Variants in CLIC6 observed in about 807,000 individuals in gnomAD.
CLIC6 encodes chloride intracellular channel protein 6.
A neutral mutation model predicts 49.2 loss-of-function variants in CLIC6; 39 were observed. That is an observed-to-expected ratio of 0.79 (90% CI 0.61 to 1.04). The LOEUF (loss-of-function observed/expected upper bound fraction) is 1.04, where lower values mean the gene tolerates loss of function less well. Among genes scored for constraint, CLIC6 ranks in the 50% least tolerant of loss-of-function variants. CLIC6 has a pLI of 0.00. For synonymous variants in CLIC6, 446 were observed against 433.4 expected (o/e 1.03, Z -0.36); for missense variants, 988 against 993.1 (o/e 0.99, Z 0.07).
At chr21:34,703,446 C>T (rs914667394) in intron 1 of CLIC6, among the ~76,000 whole-genome samples, 2 of 151,786 alleles carry the variant, frequency 1.3e-5, no homozygotes, top group Non-Finnish European at 2.9e-5. Flanking sequence ...GTCAGGTCTG[C>T]GTCGGGATGC....
chr21:34,670,836 G>A (rs1989549718), intron 1 of CLIC6, 74 bp downstream of exon 1: 8 of 1,454,720 alleles, frequency 5.5e-6, no homozygotes, highest in Non-Finnish European at 7.3e-6. Flanking sequence ...GATCCCAGAG[G>A]GACGCGCAGG....
At chr21:34,683,390 G>A (rs1254338556) in intron 1 of CLIC6, among the ~76,000 whole-genome samples, 2 of 152,160 alleles carry the variant, frequency 1.3e-5, no homozygotes, top group East Asian at 1.9e-4. Context: ...TGCCTCTGAG[G>A]TTGTGTCTCT....
In CLIC6 at chr21:34,709,370, C is replaced by G. The variant is rs1175675835; in HGVS notation, c.1731C>G (p.Asn577Lys). 1 of 1,613,006 alleles carries G rather than the reference C, an allele frequency of 6.2e-7. No homozygotes were observed. The highest frequency in any genetic ancestry group is 8.5e-7 in the Non-Finnish European group (1 of 1,179,606). ...CTTCTGTTTTAGTTCATGAAAAGAA[C>G]CTGCTGAAGGCCCTGAGGAAGCTGG... ...KKDANEIHEK[N>K]LLKALRKLDN... The change falls in exon 5 of 6, where the codon AAC becomes AAG. Residue 577 changes from asparagine (N) to lysine (K), a missense_variant. By Grantham distance (94) the Asn-to-Lys change is moderately conservative. Coordinates refer to ENST00000349499, the MANE Select transcript of CLIC6 (RefSeq NM_053277.3).
rs1989499098 is a variant in CLIC6 at position 34,669,861 on chromosome 21, A to T, written c.473A>T (p.Asp158Val). Residue 158 changes from aspartate (D) to valine (V), a missense_variant, in exon 1 of 6, where the codon GAC becomes GTC. This residue lies in a region of CLIC6 where 284 missense variants were observed against 278.6 expected (regional missense o/e 1.02). Coordinates refer to ENST00000349499, the MANE Select transcript of CLIC6 (RefSeq NM_053277.3). ...PEGSASGEAG[D>V]SVDAEGPLGD... ...GGTAGCGCGTCCGGGGAGGCGGGGG[A>T]CAGCGTAGACGCGGAGGGCCCGCTG... 4 of 1,403,176 alleles carry T rather than the reference A, an allele frequency of 2.9e-6. No individual in the cohort carries two copies. The highest frequency in any genetic ancestry group is 3.7e-6 in the Non-Finnish European group (4 of 1,087,246). The allele number at this position is 1,403,176 out of a possible 1,614,324, so 86.9% of individuals were successfully genotyped here.
chr21:34,707,468 C>CACACACACACACACACAT, intron 2 of CLIC6, 79 bp downstream of exon 2: 1 of 888,164 alleles, frequency 1.1e-6, no homozygotes, highest in Admixed American at 1.9e-5. Flanking sequence ...CACACACACA[C>CACACACACACACACACAT]ACCTGAGGCC....
At chr21:34,702,281 C>T (rs1314811107) in intron 1 of CLIC6, among the ~76,000 whole-genome samples, 3 of 152,166 alleles carry the variant, frequency 2.0e-5, no homozygotes, top group Non-Finnish European at 4.4e-5. Flanking sequence ...GAAACCTGCC[C>T]GTGTCCCAGG....
chr21:34,670,354 C>G lies in CLIC6; in HGVS notation c.966C>G (p.Ser322Arg). The G allele has an allele frequency of 6.9e-7, 1 of 1,451,432 alleles. No homozygotes were observed. The highest frequency in any genetic ancestry group is 1.4e-5 in the South Asian group (1 of 68,992). The allele number at this position is 1,451,432 out of a possible 1,614,324, so 89.9% of individuals were successfully genotyped here. A position where few individuals can be genotyped will look rare whatever the true frequency, so the allele number is the denominator to read the frequency against. Residue 322 changes from serine (S) to arginine (R), a missense_variant, in exon 1 of 6, where the codon AGC becomes AGG. Around this residue, in one of 3 missense-constraint regions of CLIC6, gnomAD observed 647 missense variants for 596.9 expected, o/e 1.08. Transcript: ENST00000349499. ...CAGCCGGGGAGAGTGCGGGGCGCAG[C>G]CCCGGTGAGCTCGCCTGGGACGCAG... ...EVAAGESAGR[S>R]PGELAWDAAE...
intron 1 of CLIC6, among the ~76,000 whole-genome samples, chr21:34,705,359 G>A (rs1056897177): frequency 2.0e-5 from 3 of 152,128 alleles, no homozygotes; most frequent in Non-Finnish European, 2.9e-5. Context: ...AGGAGATGGG[G>A]GTGGCCTTCG....
chr21:34,669,826 G>C lies in CLIC6; in HGVS notation c.438G>C (p.Glu146Asp), dbSNP rs1369446867. The change falls in exon 1 of 6, where the codon GAG (glutamate) becomes GAC (aspartate). Residue 146 changes from glutamate (E) to aspartate (D), a missense_variant. Physicochemically the swap from Glu to Asp is conservative, Grantham distance 45. Transcript: ENST00000349499. ...ERQEEAEQRP[E>D]VPEGSASGEA... ...AGGAGGAGGCGGAGCAGAGGCCTGA[G>C]GTCCCGGAAGGTAGCGCGTCCGGGG... The C allele has an allele frequency of 7.1e-7, 1 of 1,416,808 alleles. No individual in the cohort carries two copies. Among genetic ancestry groups the C allele is most frequent in the Admixed American group, 3.0e-5 (1 of 32,804 alleles). 87.8% of individuals were successfully genotyped at this position (1,416,808 alleles called of 1,614,324 possible).
At chr21:34,670,875 C>CA in intron 1 of CLIC6, 113 bp downstream of exon 1, 1 of 1,199,518 alleles carries the variant, frequency 8.3e-7, no homozygotes, top group Non-Finnish European at 1.1e-6. Context: ...TCCTGATTGT[C>CA]ATCAGGCGCT....
intron 5 of CLIC6, among the ~76,000 whole-genome samples, 160 bp from the exon 6 acceptor site, chr21:34,716,161 A>G (rs2056083961): frequency 1.3e-5 from 2 of 152,224 alleles, no homozygotes; most frequent in Admixed American, 1.3e-4. Context: ...AGATGGCCCT[A>G]TGCAAGTCAA....
At chr21:34,687,204 G>A (rs1989899063) in intron 1 of CLIC6, among the ~76,000 whole-genome samples, 1 of 152,160 alleles carries the variant, frequency 6.6e-6, no homozygotes, top group South Asian at 2.1e-4. Context: ...TCAGAGGAAA[G>A]GAAGGAGGCT....
chr21:34,690,668 T>C (rs941636946), intron 1 of CLIC6, among the ~76,000 whole-genome samples: 11 of 152,032 alleles, frequency 7.2e-5, no homozygotes, highest in Admixed American at 7.2e-4. Context: ...GGACATTGGT[T>C]TCCTGGTCAC....
rs1279211529 is a variant in CLIC6 at position 34,718,005 on chromosome 21, G to A, written c.*1523G>A. The A allele has an allele frequency of 3.9e-5, 6 of 152,604 alleles. No homozygotes were observed. Among genetic ancestry groups the A allele is most frequent in the Admixed American group, 3.3e-4 (5 of 15,278 alleles). The allele number at this position is 152,604 out of a possible 1,614,324, so 9.5% of individuals were successfully genotyped here. ...TCTTTGTCAACCATACGTTTTTGGA[G>A]ATTGGGTCTAGCACATGTCACCCTT... is the stretch of plus-strand genomic sequence containing the variant. On this transcript the variant is annotated 3_prime_UTR_variant, in exon 6 of 6. Coordinates refer to ENST00000349499, the MANE Select transcript of CLIC6 (RefSeq NM_053277.3).
chr21:34,669,605 G>T lies in CLIC6; in HGVS notation c.217G>T (p.Ala73Ser), dbSNP rs1989486294. 2 of 1,271,008 alleles carry T rather than the reference G, an allele frequency of 1.6e-6. No individual in the cohort carries two copies. Among genetic ancestry groups the T allele is most frequent in the Admixed American group, 4.2e-5 (1 of 23,826 alleles). 78.7% of individuals were successfully genotyped at this position (1,271,008 alleles called of 1,614,324 possible). A position where few individuals can be genotyped will look rare whatever the true frequency, so the allele number is the denominator to read the frequency against. ...GGPDRGPEAE[A>S]RGTRGAHGET... ...GCCAGACAGGGGCCCGGAGGCCGAG[G>T]CGCGGGGCACGAGGGGGGCGCACGG... Residue 73 changes from alanine to serine, a missense_variant, in exon 1 of 6, where the codon GCG (alanine) becomes TCG (serine). By Grantham distance (99) the Ala-to-Ser change is moderately conservative. Around this residue, in one of 3 missense-constraint regions of CLIC6, gnomAD observed 284 missense variants for 278.6 expected, o/e 1.02. Coordinates refer to ENST00000349499, the MANE Select transcript of CLIC6 (RefSeq NM_053277.3).
intron 1 of CLIC6, among the ~76,000 whole-genome samples, chr21:34,688,325 T>A (rs1488451999): frequency 2.6e-5 from 4 of 152,220 alleles, no homozygotes; most frequent in African/African-American, 4.8e-5. Flanking sequence ...TGGGTTTTGC[T>A]GGCTGTTGCT....
chr21:34,670,215 CG>C lies in CLIC6; in HGVS notation c.832del (p.Asp278ThrfsTer62). On this transcript the variant is annotated frameshift_variant, in exon 1 of 6. Transcript: ENST00000349499. LOFTEE classifies it high-confidence loss of function. ...AGDSVEAEGP[A>X]GDSMDAEGPA... ...GACAGCGTAGAAGCCGAAGGCCCGG[CG>C]GGGGACAGCATGGACGCCGAGGGTC... The C allele has an allele frequency of 7.1e-7, 1 of 1,407,842 alleles. No homozygotes were observed. Among genetic ancestry groups the C allele is most frequent in the Non-Finnish European group, 9.2e-7 (1 of 1,088,708 alleles). The allele number at this position is 1,407,842 out of a possible 1,614,324, so 87.2% of individuals were successfully genotyped here.
chr21:34,698,973 GT>G (rs1878779130), intron 1 of CLIC6, among the ~76,000 whole-genome samples: 1 of 152,156 alleles, frequency 6.6e-6, no homozygotes, highest in African/African-American at 2.4e-5. Context: ...GAAGAGTCCA[GT>G]TTCCATCTTG....
Position 34,669,409 on chromosome 21 carries a change from G to A in CLIC6, c.21G>A (p.Pro7=), listed in dbSNP as rs1277318077. 4.0e-6 allele frequency: 5 copies of A among 1,236,018 alleles called. No homozygotes were observed. The highest frequency in any genetic ancestry group is 5.0e-6 in the Non-Finnish European group (5 of 990,374). 76.6% of individuals were successfully genotyped at this position (1,236,018 alleles called of 1,614,324 possible). The part of the protein sequence containing the change: MAEAAE[P]EGVAPGPQGP... ...CGGCCATGGCCGAGGCCGCGGAGCC[G>A]GAGGGGGTTGCCCCGGGTCCCCAGG... Residue 7 remains proline, a synonymous_variant, in exon 1 of 6, where the codon CCG becomes CCA. Coordinates refer to ENST00000349499, the MANE Select transcript of CLIC6 (RefSeq NM_053277.3).
Sources: gnomAD v4.1 joint callset for allele counts (sites outside exome capture counted in the v4.1 genomes callset) on GRCh38, gnomAD v4.1.1 for gene constraint, gnomAD v4.1.1 regional missense constraint, MANE v1.5 for transcripts, NCBI Gene and HGNC (gene_info 2026-07-23, HGNC 2026-07-21) for gene names.